CORO2B: variants seen among roughly 807,000 people sequenced by gnomAD.
The protein encoded by CORO2B is coronin-2B.
CORO2B carries 26 observed loss-of-function variants against 58.8 expected under a neutral mutation model. The ratio of observed to expected loss-of-function variants is 0.44; its 90% CI spans 0.32 to 0.61. CORO2B has a LOEUF of 0.61. CORO2B is among the 20% of genes least tolerant of loss of function. CORO2B has a pLI of 0.04. For missense variants in CORO2B, 460 were observed against 645.1 expected (o/e 0.71, Z 3.11); for synonymous variants, 242 against 253.8 (o/e 0.95, Z 0.44).
chr15:68,613,157 G>A (rs566961243), intron 1 of CORO2B, among the ~76,000 whole-genome samples: 10 of 152,252 alleles, frequency 6.6e-5, no homozygotes, highest in East Asian at 1.9e-4. Context: ...ACACCCAGTT[G>A]GCCAACACTT....
At chr15:68,631,131 C>G (rs1438942808) in intron 1 of CORO2B, among the ~76,000 whole-genome samples, 1 of 152,148 alleles carries the variant, frequency 6.6e-6, no homozygotes, top group Non-Finnish European at 1.5e-5. Context: ...CCTCCCTTCT[C>G]CAGGAGCTTG....
intron 1 of CORO2B, among the ~76,000 whole-genome samples, chr15:68,599,003 C>T (rs1024180269): frequency 2.6e-5 from 4 of 152,150 alleles, no homozygotes; most frequent in Admixed American, 6.5e-5. Context: ...TAGAGCCTGT[C>T]GCCCCATCCT....
At chr15:68,617,978 A>G (rs1900410130) in intron 1 of CORO2B, among the ~76,000 whole-genome samples, 2 of 152,190 alleles carry the variant, frequency 1.3e-5, no homozygotes, top group African/African-American at 2.4e-5. Flanking sequence ...AGCATCTACT[A>G]TGTCCCAAGC....
upstream of CORO2B, among the ~76,000 whole-genome samples, chr15:68,574,915 A>G (rs1899251058): frequency 6.6e-6 from 1 of 152,184 alleles, no homozygotes; most frequent in Non-Finnish European, 1.5e-5. Context: ...AGCATGGCCT[A>G]AAGCATTGAG....
At chr15:68,637,593 G>A (rs191901352) in intron 1 of CORO2B, among the ~76,000 whole-genome samples, 10 of 152,284 alleles carry the variant, frequency 6.6e-5, no homozygotes, top group African/African-American at 1.4e-4. Flanking sequence ...GAAGGAAGGC[G>A]GCTTGTCCCA....
At chr15:68,523,124 G>A in the CORO2B span, among the ~76,000 whole-genome samples, 2 of 152,234 alleles carry the variant, frequency 1.3e-5, no homozygotes, top group South Asian at 4.2e-4. Flanking sequence ...TCCAGGTCCA[G>A]GGGTATTTCT....
At chr15:68,718,462 A>T (rs1486492946) in intron 8 of CORO2B, among the ~76,000 whole-genome samples, 1 of 152,148 alleles carries the variant, frequency 6.6e-6, no homozygotes, top group East Asian at 1.9e-4. Context: ...AAAGGGTCCA[A>T]TTCTAAAGCA....
At chr15:68,700,147 A>G (rs1157630872) in intron 3 of CORO2B, among the ~76,000 whole-genome samples, 1 of 152,036 alleles carries the variant, frequency 6.6e-6, no homozygotes, top group Non-Finnish European at 1.5e-5. Context: ...CCCTCCACCC[A>G]TTCCAGCTGG....
At chr15:68,547,544 G>A in the CORO2B span, among the ~76,000 whole-genome samples, 9 of 151,994 alleles carry the variant, frequency 5.9e-5, no homozygotes, top group East Asian at 7.8e-4. Flanking sequence ...GGGTTTTACC[G>A]TGTTAGCCAG....
chr15:68,711,505 G>A, intron 4 of CORO2B, 37 bp from the exon 5 acceptor site: 1 of 1,588,998 alleles, frequency 6.3e-7, no homozygotes, highest in African/African-American at 1.3e-5. Flanking sequence ...GACCCTAGCA[G>A]CCACTGACCC....
Position 68,637,245 on chromosome 15 carries a change from A to G in CORO2B, c.16-7915A>G, listed in dbSNP as rs1901058644. Among the ~76,000 whole-genome samples, 3 of 152,162 alleles carry G rather than the reference A, an allele frequency of 2.0e-5. 1 individual carries two copies. In the South Asian group the frequency reaches 6.2e-4, roughly 32 times the overall value. ...GTCTGTTTGGCTTTCTCATTTTACA[A>G]AGGAGGACACTGAAGCCTGGAGTCC... On this transcript the variant is annotated intron_variant, in intron 1 of 11. Transcript: ENST00000261861.
At chr15:68,594,372 G>A (rs1899776418) in intron 1 of CORO2B, among the ~76,000 whole-genome samples, 1 of 152,214 alleles carries the variant, frequency 6.6e-6, no homozygotes, top group South Asian at 2.1e-4. Flanking sequence ...TGGGTGGATG[G>A]GTAGGTGGAG....
At chr15:68,576,173 A>AAAAAAG (rs1555409381), upstream of CORO2B, among the ~76,000 whole-genome samples, 3 of 103,910 alleles carry the variant, frequency 2.9e-5, no homozygotes, top group Middle Eastern at 4.4e-3. Flanking sequence ...AAAAAAAAAA[A>AAAAAAG]AAAGAAAGAA....
the CORO2B span, among the ~76,000 whole-genome samples, chr15:68,537,418 A>G: frequency 3.9e-5 from 6 of 152,160 alleles, no homozygotes; most frequent in Non-Finnish European, 7.4e-5. Flanking sequence ...AGGTTAGCAA[A>G]CTACAGCCCA....
intron 1 of CORO2B, among the ~76,000 whole-genome samples, chr15:68,581,196 T>C (rs1432259304): frequency 1.3e-5 from 2 of 152,258 alleles, no homozygotes; most frequent in African/African-American, 4.8e-5. Flanking sequence ...CCAGTAACTA[T>C]TCAACACTCC....
chr15:68,719,910 C>T (rs935209603), intron 11 of CORO2B, among the ~76,000 whole-genome samples: 3 of 152,218 alleles, frequency 2.0e-5, no homozygotes, highest in Non-Finnish European at 1.5e-5. Flanking sequence ...CTGCCTCCCT[C>T]GCTGGCGTTG....
At chr15:68,660,109 T>G (rs1376793691) in intron 2 of CORO2B, among the ~76,000 whole-genome samples, 1 of 152,188 alleles carries the variant, frequency 6.6e-6, no homozygotes, top group Non-Finnish European at 1.5e-5. Context: ...TTCATTTCTC[T>G]AAAAATGTTT....
At chr15:68,531,501 AAGGAAGG>A in the CORO2B span, among the ~76,000 whole-genome samples, 3 of 4,680 alleles carry the variant, frequency 6.4e-4, no homozygotes, top group Admixed American at 2.1e-3. Flanking sequence ...TATCTCAAAA[AAGGAAGG>A]AAGGAAGGAA....
upstream of CORO2B, among the ~76,000 whole-genome samples, chr15:68,575,433 G>A (rs1417006207): frequency 2.9e-5 from 1 of 34,680 alleles, no homozygotes; most frequent in African/African-American, 7.0e-5. Context: ...CGCCTCCCAA[G>A]TTCAAGCAAT....
Sources: allele counts gnomAD v4.1 joint callset (sites outside exome capture counted in the v4.1 genomes callset), GRCh38; gene constraint gnomAD v4.1.1; transcripts MANE v1.5; gene names NCBI Gene and HGNC (gene_info 2026-07-23, HGNC 2026-07-21).